Variants in FGF12 observed in about 807,000 individuals in gnomAD.
The protein encoded by FGF12 is fibroblast growth factor 12, also known as fibroblast growth factor 12B.
In FGF12, 14 loss-of-function variants were observed where a neutral mutation model predicts 23.6. The observed-to-expected ratio is 0.59, with a 90% CI of 0.39 to 0.93. The LOEUF (loss-of-function observed/expected upper bound fraction) is 0.93. FGF12 is among the 40% of genes least tolerant of loss of function. FGF12 has a pLI of 0.00. For missense variants in FGF12, 175 were observed against 217.8 expected (o/e 0.80, Z 1.24); for synonymous variants, 62 against 77.3 (o/e 0.80, Z 1.04).
At chr3:192,549,644 A>C (rs965178141) in intron 2 of FGF12, among the ~76,000 whole-genome samples, 2 of 152,178 alleles carry the variant, frequency 1.3e-5, no homozygotes, top group African/African-American at 4.8e-5. Context: ...TCACATTTGA[A>C]TCAGTAGATA....
chr3:192,697,649 A>G (rs1319531552), intron 2 of FGF12, among the ~76,000 whole-genome samples: 1 of 152,220 alleles, frequency 6.6e-6, no homozygotes, highest in Non-Finnish European at 1.5e-5. Context: ...TGACTGTGAC[A>G]GAAGCCACTG....
chr3:192,292,169 G>GGGCAAGTTACTTTGTTCACTAAGCA (rs1714792039), intron 4 of FGF12, among the ~76,000 whole-genome samples: 2 of 151,942 alleles, frequency 1.3e-5, no homozygotes, highest in Non-Finnish European at 1.5e-5. Context: ...TGTTATAAGC[G>GGGCAAGTTACTTTGTTCACTAAGCA]ACTTTCTAAG....
chr3:192,141,207 C>T lies in FGF12; in HGVS notation c.*2802G>A, dbSNP rs1713365826. 1 of 127,488 alleles carries T rather than the reference C, an allele frequency of 7.8e-6. No individual in the cohort carries two copies. Among genetic ancestry groups the T allele is most frequent in the Non-Finnish European group, 1.6e-5 (1 of 60,630 alleles). 7.9% of individuals were successfully genotyped at this position (127,488 alleles called of 1,614,324 possible). ...ACGAATGAATTGAAGACCCAGAAAT[C>T]AGAACAATGAAAATCAAAGAATTAT... On this transcript the variant is annotated 3_prime_UTR_variant, in exon 6 of 6. Coordinates refer to ENST00000445105, the MANE Select transcript of FGF12 (RefSeq NM_004113.6).
At chr3:192,401,487 A>G (rs991939101) in intron 2 of FGF12, among the ~76,000 whole-genome samples, 1 of 152,204 alleles carries the variant, frequency 6.6e-6, no homozygotes, top group Non-Finnish European at 1.5e-5. Flanking sequence ...ATCCACTAAA[A>G]GATTTTCAGG....
chr3:192,213,950 C>T (rs1718061761), intron 4 of FGF12, among the ~76,000 whole-genome samples: 1 of 152,122 alleles, frequency 6.6e-6, no homozygotes, highest in African/African-American at 2.4e-5. Flanking sequence ...TCCTGGAGTA[C>T]CAGGGCATGA....
intron 4 of FGF12, among the ~76,000 whole-genome samples, chr3:192,172,868 T>C (rs970198843): frequency 6.6e-6 from 1 of 151,108 alleles, no homozygotes; most frequent in African/African-American, 2.4e-5. Context: ...TCATTCATAA[T>C]GTGGAAACAA....
At chr3:192,404,616 C>G (rs1194041487) in intron 2 of FGF12, among the ~76,000 whole-genome samples, 3 of 152,158 alleles carry the variant, frequency 2.0e-5, no homozygotes, top group Admixed American at 2.0e-4. Context: ...TAAATAATGA[C>G]TCAAATAATG....
intron 4 of FGF12, among the ~76,000 whole-genome samples, chr3:192,174,670 A>G (rs958613657): frequency 6.6e-6 from 1 of 151,568 alleles, no homozygotes; most frequent in Non-Finnish European, 1.5e-5. Context: ...TGGGCATCAA[A>G]GAATTTACAT....
At chr3:192,515,278 G>A (rs979530301) in intron 2 of FGF12, 2 of 152,572 alleles carry the variant, frequency 1.3e-5, no homozygotes, top group Middle Eastern at 3.4e-3. Flanking sequence ...CGACTCCGGT[G>A]TGGGAATCCG....
intron 4 of FGF12, among the ~76,000 whole-genome samples, chr3:192,334,781 A>AAGAT (rs1717309928): frequency 6.6e-6 from 1 of 152,152 alleles, no homozygotes; most frequent in South Asian, 2.1e-4. Context: ...AAGGGATATC[A>AAGAT]AGATAGTAAA....
rs142196264 is a variant in FGF12, at chr3:192,572,650, G to A, written c.13+154531C>T. Among the ~76,000 whole-genome samples the A allele has an allele frequency of 5.8e-3, 881 of 152,148 alleles. 10 individuals are homozygous for A. The highest frequency in any genetic ancestry group is 0.02 in the African/African-American group (850 of 41,494). On this transcript the variant is annotated intron_variant, in intron 2 of 5. Coordinates refer to ENST00000445105, the MANE Select transcript of FGF12 (RefSeq NM_004113.6). Reference sequence around the variant, plus strand: ...TGCACAGACAAATACCACTCACTGGGGCCAAATACACAGTAACAATGCTAA... The same window carrying A: ...TGCACAGACAAATACCACTCACTGGAGCCAAATACACAGTAACAATGCTAA...
At chr3:192,538,775 G>A (rs1033804610) in intron 2 of FGF12, among the ~76,000 whole-genome samples, 13 of 152,074 alleles carry the variant, frequency 8.5e-5, no homozygotes, top group African/African-American at 3.1e-4. Flanking sequence ...CCATGAACAT[G>A]GAATATCTTT....
intron 2 of FGF12, among the ~76,000 whole-genome samples, chr3:192,712,319 C>CAA (rs199992216): frequency 0.058 from 8,704 of 151,216 alleles, 445 homozygotes; most frequent in East Asian, 0.19. Context: ...AAAATATTTT[C>CAA]AAAAACTAAA....
chr3:192,501,099 T>A (rs6791926), intron 2 of FGF12, among the ~76,000 whole-genome samples: 133 of 152,264 alleles, frequency 8.7e-4, no homozygotes, highest in Non-Finnish European at 1.7e-3. Flanking sequence ...TAAAGTTAGA[T>A]ATAATTTATA....
At chr3:192,167,590 G>A (rs996528767) in intron 5 of FGF12, among the ~76,000 whole-genome samples, 11 of 151,064 alleles carry the variant, frequency 7.3e-5, no homozygotes, top group African/African-American at 1.2e-4. Context: ...GTTAATATGA[G>A]TTTGTGTTGT....
chr3:192,674,197 C>G (rs1260886223), intron 2 of FGF12, among the ~76,000 whole-genome samples: 1 of 138,506 alleles, frequency 7.2e-6, no homozygotes, highest in Non-Finnish European at 1.7e-5. Context: ...GTACCATAGA[C>G]TTGGGTCAGC....
intron 5 of FGF12, among the ~76,000 whole-genome samples, chr3:192,151,730 TG>T (rs1211921525): frequency 0.021 from 7 of 338 alleles, no homozygotes; most frequent in East Asian, 0.17. Context: ...AGTATTTTAT[TG>T]AGGATTTTTG....
intron 4 of FGF12, among the ~76,000 whole-genome samples, chr3:192,292,549 T>C (rs1260066049): frequency 6.6e-6 from 1 of 152,156 alleles, no homozygotes; most frequent in Admixed American, 6.6e-5. Context: ...GAGAGGATAT[T>C]AAAGGAAAAA....
chr3:192,664,527 T>A (rs1392421686), intron 2 of FGF12, among the ~76,000 whole-genome samples: 7 of 150,164 alleles, frequency 4.7e-5, no homozygotes, highest in Non-Finnish European at 1.0e-4. Flanking sequence ...GGAGGGTGGA[T>A]CACCTGAGGT....
Sources: gnomAD v4.1 joint callset for allele counts (sites outside exome capture counted in the v4.1 genomes callset) on GRCh38, gnomAD v4.1.1 for gene constraint, MANE v1.5 for transcripts, NCBI Gene and HGNC (gene_info 2026-07-23, HGNC 2026-07-21) for gene names.